Variants in ARHGAP33 observed in about 807,000 individuals in gnomAD.
ARHGAP33 encodes Rho GTPase activating protein 33.
In ARHGAP33, 57 loss-of-function variants were observed where a neutral mutation model predicts 126.2. That is an observed-to-expected ratio of 0.45 (90% confidence interval 0.36 to 0.56). The LOEUF (loss-of-function observed/expected upper bound fraction) is 0.56, where lower values mean the gene tolerates loss of function less well. ARHGAP33 is among the 20% of genes least tolerant of loss of function. ARHGAP33 has a pLI of 0.00. For missense variants in ARHGAP33, 1,500 were observed against 1,748.3 expected (o/e 0.86, Z 2.53); for synonymous variants, 711 against 755.0 (o/e 0.94, Z 0.95).
At position 35,787,388 on chromosome 19, in the gene ARHGAP33, G is replaced by C. The variant is rs776064190; in HGVS notation, c.2823G>C (p.Gly941=). 1.2e-6 allele frequency: 2 copies of C among 1,609,226 alleles called. No individual in the cohort carries two copies. Among genetic ancestry groups the C allele is most frequent in the South Asian group, 2.2e-5 (2 of 90,846 alleles). The change falls in exon 21 of 21, where the codon GGG becomes GGC. Residue 941 remains glycine (G), a synonymous_variant. Transcript: ENST00000007510. Reference sequence around the variant, plus strand: ...GCTCGCTGTCTCTGGAGGTGGGCGGGGAGCCCCTGGGGACCTCAGGGAGTG... The same window carrying C: ...GCTCGCTGTCTCTGGAGGTGGGCGGCGAGCCCCTGGGGACCTCAGGGAGTG... ...FHRSLSLEVG[G]EPLGTSGSGP... is the part of the protein sequence containing the mutation.
chr19:35,777,559 C>G (rs1257587377), intron 1 of ARHGAP33, 86 bp from the exon 2 acceptor site: 2 of 1,160,450 alleles, frequency 1.7e-6, no homozygotes, highest in Non-Finnish European at 2.5e-6. Context: ...GCGCCCGGGG[C>G]TCTGGACCCG....
At position 35,788,256 on chromosome 19, in the gene ARHGAP33, C is replaced by T; in HGVS notation, c.3691C>T (p.Pro1231Ser). Residue 1231 changes from proline (P) to serine (S), a missense_variant, in exon 21 of 21, where the codon CCT becomes TCT. Transcript: ENST00000007510. The part of the protein sequence containing the change: ...RVPGPWGPPE[P>S]LLLYRAAPPA... The stretch of plus-strand genomic sequence containing the variant: ...GCCGGGTCCCTGGGGCCCTCCTGAG[C>T]CTCTCCTGCTCTACAGGGCAGCCCC... 1.2e-6 allele frequency: 2 copies of T among 1,609,500 alleles called. No homozygotes were observed. The highest frequency in any genetic ancestry group is 1.7e-6 in the Non-Finnish European group (2 of 1,178,786).
Position 35,784,810 on chromosome 19 carries a change from C to T in ARHGAP33, c.1568-143C>T, listed in dbSNP as rs146584364. The T allele has an allele frequency of 7.0e-3, 9,621 of 1,376,326 alleles. 46 individuals are homozygous for T. The highest frequency in any genetic ancestry group is 8.3e-3 in the Non-Finnish European group (8,873 of 1,071,714). The allele number at this position is 1,376,326 out of a possible 1,614,324, so 85.3% of individuals were successfully genotyped here. A position where few individuals can be genotyped will look rare whatever the true frequency, so the allele number is the denominator to read the frequency against. On this transcript the variant is annotated intron_variant, in intron 16 of 20. Transcript: ENST00000007510. ...CCCACCTGCCTGCTGCCCGCCTGCT[C>T]CCGCCTGATCCGCCCCGGCCCCCTG...
rs937758629 is a variant in ARHGAP33, at chr19:35,775,688, G to A, written c.6+24G>A. On this transcript the variant is annotated intron_variant, in intron 1 of 20. Transcript: ENST00000007510. The stretch of plus-strand genomic sequence containing the variant: ...TGGTAAGGGTCCCACGCGGCCGTCA[G>A]CCTGTCCGTCCGGATGTCAGTCTGT... 3 of 1,538,670 alleles carry A rather than the reference G, an allele frequency of 1.9e-6. No homozygotes were observed. The African/African-American group carries it at 4.3e-5, about 22-fold the overall frequency.
Position 35,782,660 on chromosome 19 carries a change from C to T in ARHGAP33, c.1294C>T (p.Leu432=). Residue 432 remains leucine (L), a synonymous_variant, in exon 14 of 21, where the codon CTG becomes TTG. Coordinates refer to ENST00000007510, the MANE Select transcript of ARHGAP33 (RefSeq NM_001366178.1). The surrounding 1 kb of genome is among the most constrained non-coding windows in gnomAD (Gnocchi z 4.1). ...GCGGGTGCACGATGTCATCCAGCAG[C>T]TGCCCCCACCACATTACAGGTAAAC... The part of the protein sequence containing the change: ...LVRVHDVIQQ[L]PPPHYRTLEY... 1.9e-6 allele frequency: 3 copies of T among 1,613,168 alleles called. No individual in the cohort carries two copies. Among genetic ancestry groups the T allele is most frequent in the Non-Finnish European group, 2.5e-6 (3 of 1,179,688 alleles).
Position 35,782,878 on chromosome 19 carries a change from CT to C in ARHGAP33, c.1421+11del, listed in dbSNP as rs1360231922. The C allele has an allele frequency of 6.3e-7, 1 of 1,599,494 alleles. No homozygotes were observed. The highest frequency in any genetic ancestry group is 1.3e-5 in the African/African-American group (1 of 74,474). ...GCACCCAACCTGCTACGGTGAGCTG[CT>C]TGCTCGCCTGCCTGCCCCTCAGGTC... On this transcript the variant is annotated intron_variant, in intron 15 of 20. Transcript: ENST00000007510. This position sits in a 1 kb window ranked among gnomAD's most constrained non-coding sequence, Gnocchi z 4.1.
rs376547450 is a variant in ARHGAP33, at chr19:35,776,610, C to T, written c.6+946C>T. 3.5e-4 allele frequency among the ~76,000 whole-genome samples: 54 copies of T among 152,332 alleles called. 1 individual carries two copies. The South Asian group carries it at 8.5e-3, about 24-fold the overall frequency. ...GATTTTACCCAGTCCCTGCTGCGCGCGACTGGGCTGGCACTGGGGACCCAG... is the reference window on the plus strand; with the variant it reads ...GATTTTACCCAGTCCCTGCTGCGCGTGACTGGGCTGGCACTGGGGACCCAG... On this transcript the variant is annotated intron_variant, in intron 1 of 20. Transcript: ENST00000007510.
At chr19:35,779,356 A>T (rs1001096488) in intron 6 of ARHGAP33, among the ~76,000 whole-genome samples, 1 of 152,142 alleles carries the variant, frequency 6.6e-6, no homozygotes, top group African/African-American at 2.4e-5. Context: ...ACAAGGGTTT[A>T]AATGTATATC....
Position 35,785,257 on chromosome 19 carries a change from T to G in ARHGAP33, c.1790T>G (p.Leu597Arg), listed in dbSNP as rs750785148. ...AGCAGCTGGAAGACGTTCTTTGCAC[T>G]GGGCCGGGGCCCCAGTGTCCCTCGA... ...GGSSWKTFFA[L>R]GRGPSVPRKK... Residue 597 changes from leucine (L) to arginine (R), a missense_variant, in exon 18 of 21, where the codon CTG (leucine) becomes CGG (arginine). Physicochemically the swap from Leu to Arg is moderately radical, Grantham distance 102. Around this residue, in one of 6 missense-constraint regions of ARHGAP33, gnomAD observed 300 missense variants for 291.1 expected, o/e 1.03. Transcript: ENST00000007510. 1 of 1,593,352 alleles carries G rather than the reference T, an allele frequency of 6.3e-7. No homozygotes were observed. Among genetic ancestry groups the G allele is most frequent in the African/African-American group, 1.4e-5 (1 of 73,728 alleles).
rs765121818 is a variant in ARHGAP33 at position 35,782,446 on chromosome 19, T to A, written c.1159T>A (p.Ser387Thr). ...AFLQDIHSVS[S>T]LCKLYFRELP... ...CCTGCAGGACATCCACAGCGTGTCC[T>A]CCCTCTGCAAGCTCTACTTCCGAGA... Residue 387 changes from serine to threonine, a missense_variant, in exon 13 of 21, where the codon TCC becomes ACC. Ser to Thr is a moderately conservative substitution (Grantham distance 58). Around this residue, in one of 6 missense-constraint regions of ARHGAP33, gnomAD observed 281 missense variants for 413.7 expected, o/e 0.68. Coordinates refer to ENST00000007510, the MANE Select transcript of ARHGAP33 (RefSeq NM_001366178.1). This position sits in a 1 kb window ranked among gnomAD's most constrained non-coding sequence, Gnocchi z 4.1. The A allele has an allele frequency of 1.9e-6, 3 of 1,613,502 alleles. No homozygotes were observed. Among genetic ancestry groups the A allele is most frequent in the Non-Finnish European group, 2.5e-6 (3 of 1,179,578 alleles).
At chr19:35,779,726 G>A in intron 6 of ARHGAP33, 1 of 350,662 alleles carries the variant, frequency 2.9e-6, no homozygotes, top group South Asian at 2.1e-5. Context: ...ACTGTGCCTG[G>A]CCTCTGGCTA....
rs747370383 is a variant in ARHGAP33 at position 35,788,296 on chromosome 19, G to C, written c.3731G>C (p.Arg1244Thr). The C allele has an allele frequency of 1.9e-6, 3 of 1,607,560 alleles. No homozygotes were observed. The highest frequency in any genetic ancestry group is 2.5e-6 in the Non-Finnish European group (3 of 1,178,104). ...LYRAAPPAYG[R>T]GGELHRGSLY... ...AGGGCAGCCCCGCCAGCCTACGGAA[G>C]GGGGGGCGAGCTCCACCGAGGGTCC... The change falls in exon 21 of 21, where the codon AGG becomes ACG. Residue 1244 changes from arginine (R) to threonine (T), a missense_variant. Transcript: ENST00000007510.
intron 3 of ARHGAP33, among the ~76,000 whole-genome samples, 178 bp from the exon 4 acceptor site, chr19:35,778,102 T>C (rs1315372173): frequency 6.6e-6 from 1 of 152,196 alleles, no homozygotes; most frequent in Non-Finnish European, 1.5e-5. Flanking sequence ...TTTGTTCTTT[T>C]ATTCATTCAA....
chr19:35,778,481 T>C lies in ARHGAP33; in HGVS notation c.288T>C (p.Val96=), dbSNP rs1244146512. Residue 96 remains valine, a synonymous_variant, in exon 5 of 21, where the codon GTT becomes GTC. Coordinates refer to ENST00000007510, the MANE Select transcript of ARHGAP33 (RefSeq NM_001366178.1). ...QVTCQGRSWP[V]LRSYDDFRSL... ...TCCCACAGGGCCGTTCCTGGCCGGT[T>C]CTCCGGAGTTACGATGACTTTCGTT... The C allele has an allele frequency of 6.2e-7, 1 of 1,614,076 alleles. No homozygotes were observed. The highest frequency in any genetic ancestry group is 1.3e-5 in the African/African-American group (1 of 74,924).
chr19:35,787,308 C>G lies in ARHGAP33; in HGVS notation c.2743C>G (p.Gln915Glu). The G allele has an allele frequency of 6.2e-7, 1 of 1,612,572 alleles. No homozygotes were observed. The highest frequency in any genetic ancestry group is 8.5e-7 in the Non-Finnish European group (1 of 1,179,478). ...GCGGGCTCAGCAGGTGGCCGAGCAA[C>G]AGAGCCAGCAGGAGTGTGGGGGCAC... is the stretch of plus-strand genomic sequence containing the variant. ...AERAQQVAEQ[Q>E]SQQECGGTPP... Residue 915 changes from glutamine to glutamate, a missense_variant, in exon 21 of 21, where the codon CAG becomes GAG. This residue lies in a region of ARHGAP33 where 642 missense variants were observed against 634.0 expected (regional missense o/e 1.01). Transcript: ENST00000007510.
In ARHGAP33 at chr19:35,780,805, C is replaced by T; in HGVS notation, c.818C>T (p.Ser273Phe). 6.2e-7 allele frequency: 1 copy of T among 1,614,070 alleles called. No individual in the cohort carries two copies. The highest frequency in any genetic ancestry group is 8.5e-7 in the Non-Finnish European group (1 of 1,180,024). Reference sequence around the variant, plus strand: ...ATCCCGGCTCCCCAGGGTATCTCGTCTCTGACCTCAGGTAATAGAAATAGG... The same window carrying T: ...ATCCCGGCTCCCCAGGGTATCTCGTTTCTGACCTCAGGTAATAGAAATAGG... ...CGIPAPQGIS[S>F]LTSAVPRPRG... Residue 273 changes from serine (S) to phenylalanine (F), a missense_variant, in exon 10 of 21, where the codon TCT becomes TTT. Ser to Phe is a radical substitution (Grantham distance 155). Coordinates refer to ENST00000007510, the MANE Select transcript of ARHGAP33 (RefSeq NM_001366178.1).
chr19:35,777,038 C>A (rs930496137), intron 1 of ARHGAP33, among the ~76,000 whole-genome samples: 1 of 151,968 alleles, frequency 6.6e-6, no homozygotes, highest in Non-Finnish European at 1.5e-5. Flanking sequence ...GAAGAGGGTG[C>A]TTTTTTTGGA....
intron 19 of ARHGAP33, chr19:35,785,815 C>T: frequency 8.4e-7 from 1 of 1,186,236 alleles, no homozygotes; most frequent in Non-Finnish European, 1.0e-6. Context: ...CGAGTTCCTC[C>T]CCACTGGAGG....
chr19:35,788,367 C>T lies in ARHGAP33; in HGVS notation c.3802C>T (p.Pro1268Ser), dbSNP rs1229146440. ...AAGAGGGGAGGGGGCTGGTCCCCCACCCCCTTACCCCACTCCCAGCTGGTC... is the reference window on the plus strand; with the variant it reads ...AAGAGGGGAGGGGGCTGGTCCCCCATCCCCTTACCCCACTCCCAGCTGGTC... ...GQRGEGAGPP[P>S]PYPTPSWSLH... Residue 1268 changes from proline to serine, a missense_variant, in exon 21 of 21, where the codon CCC (proline) becomes TCC (serine). Coordinates refer to ENST00000007510, the MANE Select transcript of ARHGAP33 (RefSeq NM_001366178.1). 5.0e-6 allele frequency: 8 copies of T among 1,595,000 alleles called. No homozygotes were observed. In the Admixed American group the frequency reaches 7.0e-5, roughly 14 times the overall value.
Sources: allele counts gnomAD v4.1 joint callset (sites outside exome capture counted in the v4.1 genomes callset), GRCh38; gene constraint gnomAD v4.1.1; regional missense constraint gnomAD v4.1.1; non-coding constraint Gnocchi (gnomAD v3.1); transcripts MANE v1.5; gene names NCBI Gene and HGNC (gene_info 2026-07-23, HGNC 2026-07-21).